The following CDC27 variants were observed in gnomAD, a reference collection of about 807,000 sequenced individuals.
CDC27 encodes the protein cell division cycle 27, also known as cell division cycle protein 27 homolog.
A neutral mutation model predicts 109.7 loss-of-function variants in CDC27; 27 were observed. The ratio of observed to expected loss-of-function variants is 0.25; its 90% CI spans 0.18 to 0.34. The LOEUF (loss-of-function observed/expected upper bound fraction) is 0.34, where lower values mean the gene tolerates loss of function less well. Ranked by LOEUF, CDC27 falls within the 10% of genes least tolerant of loss-of-function variation. The probability of loss-of-function intolerance (pLI) is 1.00; values close to 1 mark genes in which losing one functional copy is unlikely to be tolerated. For synonymous variants in CDC27, 266 were observed against 333.9 expected (o/e 0.80, Z 2.22); for missense variants, 579 against 960.2 (o/e 0.60, Z 5.25).
intron 9 of CDC27, among the ~76,000 whole-genome samples, chr17:47,148,264 T>TA (rs952999180): frequency 4.9e-5 from 7 of 142,366 alleles, no homozygotes; most frequent in Admixed American, 2.8e-4. Context: ...ATGTCTGCAA[T>TA]AAAAAAACAA....
intron 16 of CDC27, among the ~76,000 whole-genome samples, chr17:47,125,235 C>CTTTTTTTTTT: frequency 2.1e-5 from 1 of 48,020 alleles, no homozygotes; most frequent in Non-Finnish European, 3.6e-5. Flanking sequence ...TTAAAGAAAT[C>CTTTTTTTTTT]TTTTTTTTTT....
Position 47,151,916 on chromosome 17 carries a change from A to G in CDC27, c.960T>C (p.Ser320=), listed in dbSNP as rs768033661. 1 of 1,606,142 alleles carries G rather than the reference A, an allele frequency of 6.2e-7. No homozygotes were observed. The highest frequency in any genetic ancestry group is 1.1e-5 in the South Asian group (1 of 88,542). ...TTCCAGTTTGGCCGATTCTGGCAACAGACTGTAAAACACGAAAAGTCTAAG... is the reference window on the plus strand; with the variant it reads ...TTCCAGTTTGGCCGATTCTGGCAACGGACTGTAAAACACGAAAAGTCTAAG... The part of the protein sequence containing the change: ...VPSTGAPSKK[S]VARIGQTGTK... The change falls in exon 9 of 19, where the codon TCT becomes TCC. Residue 320 remains serine (S), a splice_region_variant and synonymous_variant. Transcript: ENST00000066544.
At chr17:47,158,839 T>C (rs1468827294) in intron 4 of CDC27, among the ~76,000 whole-genome samples, 1 of 152,058 alleles carries the variant, frequency 6.6e-6, no homozygotes, top group Non-Finnish European at 1.5e-5. Flanking sequence ...AGGCGGGTCT[T>C]GAACTCATGA....
intron 14 of CDC27, among the ~76,000 whole-genome samples, chr17:47,135,406 TAGA>T (rs1472575871): frequency 1.1e-4 from 16 of 149,544 alleles, no homozygotes; most frequent in African/African-American, 4.0e-4. Flanking sequence ...TGGCCATAAC[TAGA>T]TGATGATGAT....
intron 2 of CDC27, among the ~76,000 whole-genome samples, chr17:47,177,582 A>T (rs1426574561): frequency 1.3e-5 from 2 of 152,166 alleles, no homozygotes; most frequent in Non-Finnish European, 2.9e-5. Flanking sequence ...AAACAAACAA[A>T]AACATTTTGC....
chr17:47,158,570 G>A (rs964920080), intron 4 of CDC27, among the ~76,000 whole-genome samples: 1 of 150,972 alleles, frequency 6.6e-6, no homozygotes, highest in African/African-American at 2.4e-5. Context: ...AGATACTAGA[G>A]TTATTGAGGG....
chr17:47,157,065 G>A lies in CDC27; in HGVS notation c.690C>T (p.Ser230=). ...SNSKYSLNTD[S]SVSYIDSAVI... Reference sequence around the variant, plus strand: ...CAGCTGAATCAATATAAGACACTGAGGAATCTGTATTCAAGGAGTACTTTG... The same window carrying A: ...CAGCTGAATCAATATAAGACACTGAAGAATCTGTATTCAAGGAGTACTTTG... The change falls in exon 7 of 19, where the codon TCC becomes TCT. Residue 230 remains serine, a synonymous_variant. Coordinates refer to ENST00000066544, the MANE Select transcript of CDC27 (RefSeq NM_001256.6). The A allele has an allele frequency of 1.3e-6, 2 of 1,597,068 alleles. No individual in the cohort carries two copies. The highest frequency in any genetic ancestry group is 1.7e-6 in the Non-Finnish European group (2 of 1,169,506).
intron 16 of CDC27, among the ~76,000 whole-genome samples, chr17:47,124,722 A>G (rs960691840): frequency 3.9e-5 from 6 of 152,220 alleles, no homozygotes; most frequent in African/African-American, 1.4e-4. Context: ...CTGCTTCTCC[A>G]TTTAATCTGT....
chr17:47,151,779 A>T (rs750756240), intron 9 of CDC27, 27 bp downstream of exon 9: 1 of 1,498,244 alleles, frequency 6.7e-7, no homozygotes, highest in African/African-American at 1.4e-5. Context: ...ATGCCAAGAA[A>T]AGTTGAATAA....
intron 4 of CDC27, among the ~76,000 whole-genome samples, chr17:47,166,090 A>T (rs536882688): frequency 2.0e-5 from 3 of 152,028 alleles, no homozygotes; most frequent in East Asian, 1.9e-4. Flanking sequence ...TGATTTCCTA[A>T]TTTTTTTTGA....
intron 2 of CDC27, among the ~76,000 whole-genome samples, chr17:47,179,131 C>T (rs2064128730): frequency 6.6e-6 from 1 of 152,112 alleles, no homozygotes; most frequent in South Asian, 2.1e-4. Context: ...CTATAAATCT[C>T]GAGAGAAAGA....
At chr17:47,144,710 G>A (rs968878782) in intron 9 of CDC27, among the ~76,000 whole-genome samples, 3 of 152,174 alleles carry the variant, frequency 2.0e-5, no homozygotes, top group African/African-American at 7.2e-5. Flanking sequence ...GTAAACTTGT[G>A]GACTAAACTA....
At chr17:47,143,734 C>G in intron 10 of CDC27, 149 bp downstream of exon 10, 1 of 300,410 alleles carries the variant, frequency 3.3e-6, no homozygotes. Flanking sequence ...ATTAACTTCA[C>G]AAAAATCATA....
intron 12 of CDC27, among the ~76,000 whole-genome samples, 176 bp from the exon 13 acceptor site, chr17:47,139,067 G>A (rs2062713795): frequency 1.3e-5 from 2 of 152,108 alleles, no homozygotes; most frequent in South Asian, 4.1e-4. Context: ...AGGTCAAATA[G>A]TGATGTAACC....
intron 15 of CDC27, 87 bp downstream of exon 15, chr17:47,132,170 C>G (rs542102158): frequency 1.4e-6 from 1 of 693,710 alleles, no homozygotes; most frequent in Admixed American, 2.6e-5. Context: ...CAAAAAAGGA[C>G]CAATTTTTAT....
chr17:47,180,945 T>TC (rs1555560988), intron 2 of CDC27, among the ~76,000 whole-genome samples: 9 of 111,668 alleles, frequency 8.1e-5, no homozygotes, highest in Non-Finnish European at 1.1e-4. Context: ...ACTCTTTTCT[T>TC]AAAAAAAAAA....
chr17:47,150,946 C>G (rs1437844625), intron 9 of CDC27, among the ~76,000 whole-genome samples: 1 of 152,098 alleles, frequency 6.6e-6, no homozygotes, highest in Non-Finnish European at 1.5e-5. Context: ...GCAGGAGAAT[C>G]ACTTGAACCC....
chr17:47,142,973 G>A (rs1325826903), intron 10 of CDC27, among the ~76,000 whole-genome samples: 1 of 145,136 alleles, frequency 6.9e-6, no homozygotes, highest in Non-Finnish European at 1.5e-5. Context: ...ACCGTGCCCG[G>A]CCTTTGTTTT....
intron 2 of CDC27, among the ~76,000 whole-genome samples, chr17:47,175,792 G>A (rs2063983022): frequency 6.6e-6 from 1 of 152,120 alleles, no homozygotes; most frequent in Non-Finnish European, 1.5e-5. Context: ...CTCCAGCCTG[G>A]GCAACAGAGC....
Sources: allele counts gnomAD v4.1 joint callset (sites outside exome capture counted in the v4.1 genomes callset), GRCh38; gene constraint gnomAD v4.1.1; transcripts MANE v1.5; gene names NCBI Gene and HGNC (gene_info 2026-07-23, HGNC 2026-07-21).